The following ZNF875 variants were observed in gnomAD, a reference collection of about 807,000 sequenced individuals.
ZNF875 encodes the protein zinc finger protein 875.
Under a neutral mutation model 11.2 loss-of-function variants are expected in ZNF875, and 14 were observed. The ratio of observed to expected loss-of-function variants is 1.26; its 90% confidence interval spans 0.83 to 1.96. The LOEUF is 1.96. Ranked by LOEUF, ZNF875 falls within the 30% of genes most tolerant of loss-of-function variation. The probability of loss-of-function intolerance (pLI) is 0.00; values close to 1 mark genes in which losing one functional copy is unlikely to be tolerated. For synonymous variants in ZNF875, 301 were observed against 281.1 expected, an observed-to-expected ratio of 1.07 and a Z score of -0.71; for missense variants, 752 against 760.4, an observed-to-expected ratio of 0.99 and a Z score of 0.13.
rs1375840962 is a variant in ZNF875, at chr19:37,362,367, G to C, written c.515G>C (p.Gly172Ala). ...CTGTTTGGGAGAGTAAGCAAAAATG[G>C]CACTTCAAAGGCACTTTCCAGCCCA... is the stretch of plus-strand genomic sequence containing the variant. ...RLLFGRVSKN[G>A]TSKALSSPPE... The change falls in exon 5 of 5, where the codon GGC (glycine) becomes GCC (alanine). Residue 172 changes from glycine (G) to alanine (A), a missense_variant. Coordinates refer to ENST00000392153, the MANE Select transcript of ZNF875 (RefSeq NM_001353803.2). 1 of 1,614,108 alleles carries C rather than the reference G, an allele frequency of 6.2e-7. No homozygotes were observed. The highest frequency in any genetic ancestry group is 1.7e-5 in the Admixed American group (1 of 60,012).
intron 2 of ZNF875, among the ~76,000 whole-genome samples, chr19:37,340,849 C>G (rs1347228022): frequency 6.6e-6 from 1 of 151,830 alleles, no homozygotes; most frequent in Non-Finnish European, 1.5e-5. Flanking sequence ...GGGGTGTCAC[C>G]TTGTCAGCCA....
intron 2 of ZNF875, among the ~76,000 whole-genome samples, chr19:37,339,573 G>GTC (rs2035260265): frequency 8.4e-6 from 1 of 119,398 alleles, no homozygotes; most frequent in South Asian, 2.8e-4. Context: ...TTGAGACAGA[G>GTC]TCTCGCTCTG....
intron 4 of ZNF875, among the ~76,000 whole-genome samples, chr19:37,354,717 G>A (rs2038590741): frequency 1.3e-5 from 2 of 152,156 alleles, no homozygotes; most frequent in South Asian, 4.1e-4. Context: ...TTTGGTTGTG[G>A]CATCTCTGCC....
At chr19:37,339,928 T>A (rs951359290) in intron 2 of ZNF875, among the ~76,000 whole-genome samples, 4 of 152,072 alleles carry the variant, frequency 2.6e-5, no homozygotes, top group Non-Finnish European at 1.5e-5. Flanking sequence ...GAGACTCCCT[T>A]CTTCACCATG....
At chr19:37,313,317 AG>A (rs1253778781), upstream of ZNF875, 1 of 152,326 alleles carries the variant, frequency 6.6e-6, no homozygotes, top group Non-Finnish European at 1.5e-5. Context: ...AACCAGGTAA[AG>A]GAATCTGTGC....
At chr19:37,358,108 C>CT (rs1225973163) in intron 4 of ZNF875, 5 of 254,492 alleles carry the variant, frequency 2.0e-5, no homozygotes, top group Admixed American at 6.2e-5. Flanking sequence ...TTATCCGATG[C>CT]TTTTTTTACA....
At chr19:37,344,238 G>C (rs936030461) in intron 2 of ZNF875, among the ~76,000 whole-genome samples, 2 of 152,340 alleles carry the variant, frequency 1.3e-5, no homozygotes, top group South Asian at 2.1e-4. Flanking sequence ...TCCAGAGTTT[G>C]TGCTTTTAGC....
chr19:37,334,628 T>C (rs2033896015), upstream of ZNF875: 1 of 454,786 alleles, frequency 2.2e-6, no homozygotes, highest in African/African-American at 2.0e-5. Flanking sequence ...CCCTTCAGTG[T>C]GTAGCGTTGA....
At chr19:37,314,011 T>TTTA (rs2030074000), upstream of ZNF875, among the ~76,000 whole-genome samples, 1 of 152,132 alleles carries the variant, frequency 6.6e-6, no homozygotes, top group African/African-American at 2.4e-5. Context: ...GGATGTGGGT[T>TTTA]TTTATTTATT....
At chr19:37,317,432 C>G (rs1425722970), upstream of ZNF875, among the ~76,000 whole-genome samples, 1 of 152,210 alleles carries the variant, frequency 6.6e-6, no homozygotes, top group East Asian at 1.9e-4. Context: ...CATCCGCCTC[C>G]CAAAGTGTTG....
At chr19:37,336,943 A>G (rs1425450965) in intron 2 of ZNF875, among the ~76,000 whole-genome samples, 1 of 152,106 alleles carries the variant, frequency 6.6e-6, no homozygotes, top group Admixed American at 6.5e-5. Context: ...ATATGTTAAG[A>G]TACAGACTAT....
chr19:37,362,448 G>A lies in ZNF875; in HGVS notation c.596G>A (p.Gly199Glu), dbSNP rs765156846. Reference protein sequence around the residue: ...SKEDNTVVDIGSSPERRADLE... With the variant: ...SKEDNTVVDIESSPERRADLE... ...GAAGACAACACAGTGGTGGATATAG[G>A]GTCCAGCCCTGAACGGAGGGCAGAT... The change falls in exon 5 of 5, where the codon GGG becomes GAG. Residue 199 changes from glycine (G) to glutamate (E), a missense_variant. Gly to Glu is a moderately conservative substitution (Grantham distance 98). Transcript: ENST00000392153. The A allele has an allele frequency of 1.2e-6, 2 of 1,614,116 alleles. No homozygotes were observed. The highest frequency in any genetic ancestry group is 2.2e-5 in the South Asian group (2 of 91,078).
At chr19:37,328,825 A>G (rs138178366) in intron 4 of ZNF875, 2 of 152,192 alleles carry the variant, frequency 1.3e-5, no homozygotes, top group East Asian at 3.9e-4. Context: ...GAAGGCTTTT[A>G]TGTTTGAGGA....
chr19:37,330,909 T>C (rs1414478224), upstream of ZNF875, among the ~76,000 whole-genome samples: 1 of 152,188 alleles, frequency 6.6e-6, no homozygotes, highest in East Asian at 2.0e-4. Context: ...AGAGCTTGGC[T>C]GGGCGTGGTG....
chr19:37,339,304 T>TATCCCA (rs1017889602), intron 2 of ZNF875, among the ~76,000 whole-genome samples: 1 of 152,078 alleles, frequency 6.6e-6, no homozygotes, highest in African/African-American at 2.4e-5. Context: ...AGCCAACACT[T>TATCCCA]ATCCCACTGA....
upstream of ZNF875, chr19:37,315,615 G>C (rs1242323237): frequency 1.3e-5 from 2 of 152,132 alleles, no homozygotes; most frequent in Non-Finnish European, 2.9e-5. Context: ...GGAGTTTGCT[G>C]AGTCAGTCCG....
rs761501792 is a variant in ZNF875 at position 37,363,561 on chromosome 19, G to T, written c.1709G>T (p.Cys570Phe). ...TGCAGGGAGTGTGGGCAAGGCTTTT[G>T]TGCTAAGTTAACTCTCATTAAACAC... The part of the protein sequence containing the change: ...FVCRECGQGF[C>F]AKLTLIKHQR... The change falls in exon 5 of 5, where the codon TGT becomes TTT. Residue 570 changes from cysteine (C) to phenylalanine (F), a missense_variant. Transcript: ENST00000392153. 6.2e-7 allele frequency: 1 copy of T among 1,613,082 alleles called. No individual in the cohort carries two copies. The highest frequency in any genetic ancestry group is 1.3e-5 in the African/African-American group (1 of 74,794).
At chr19:37,322,221 A>T (rs1203062507) in exon 2 of ZNF875, 1 of 151,890 alleles carries the variant, frequency 6.6e-6, no homozygotes, top group African/African-American at 2.4e-5. Flanking sequence ...TCTGTTTTGG[A>T]TGCATTGGAA....
chr19:37,323,937 C>A (rs1383359999), intron 3 of ZNF875, among the ~76,000 whole-genome samples: 1 of 152,182 alleles, frequency 6.6e-6, no homozygotes, highest in African/African-American at 2.4e-5. Context: ...TGCTTCTCCA[C>A]ACAGTGGATC....
Sources: allele counts gnomAD v4.1 joint callset (sites outside exome capture counted in the v4.1 genomes callset), GRCh38; gene constraint gnomAD v4.1.1; transcripts MANE v1.5; gene names NCBI Gene and HGNC (gene_info 2026-07-23, HGNC 2026-07-21).